Variants in RPTOR observed in about 807,000 individuals in gnomAD.
The protein encoded by RPTOR is regulatory associated protein of MTOR complex 1.
In RPTOR, 21 loss-of-function variants were observed where a neutral mutation model predicts 169.9. The ratio of observed to expected loss-of-function variants is 0.12; its 90% CI spans 0.09 to 0.18. The LOEUF is 0.18. RPTOR is among the 10% of genes least tolerant of loss of function. RPTOR has a pLI of 1.00. For synonymous variants in RPTOR, 732 were observed against 753.2 expected (o/e 0.97, Z 0.46); for missense variants, 1,133 against 1,855.9 (o/e 0.61, Z 7.16).
At chr17:80,737,530 T>C (rs750818449) in intron 5 of RPTOR, among the ~76,000 whole-genome samples, 18 of 152,108 alleles carry the variant, frequency 1.2e-4, no homozygotes, top group Non-Finnish European at 2.6e-4. Context: ...GGTCTTCAGG[T>C]AATCTGTGCC....
At chr17:80,679,526 T>C (rs62069694) in intron 3 of RPTOR, among the ~76,000 whole-genome samples, 13,810 of 152,270 alleles carry the variant, frequency 0.091, 709 homozygotes, top group African/African-American at 0.14. Flanking sequence ...TTGAATGCAT[T>C]TAAACTTAAG....
chr17:80,842,071 T>C (rs2067676637), intron 10 of RPTOR, among the ~76,000 whole-genome samples: 1 of 152,152 alleles, frequency 6.6e-6, no homozygotes, highest in Admixed American at 6.5e-5. Flanking sequence ...GCGCTGCAGC[T>C]CACATTCATT....
chr17:80,735,077 G>A (rs972538952), intron 5 of RPTOR, among the ~76,000 whole-genome samples: 3 of 152,168 alleles, frequency 2.0e-5, no homozygotes, highest in Non-Finnish European at 2.9e-5. Flanking sequence ...AGCAGACTTC[G>A]CTTTAGACCG....
In RPTOR at chr17:80,712,464, G is replaced by A. The variant is rs559861496; in HGVS notation, c.507+4465G>A. 2.6e-5 allele frequency among the ~76,000 whole-genome samples: 4 copies of A among 152,162 alleles called. No homozygotes were observed. The East Asian group carries it at 5.8e-4, about 22-fold the overall frequency. On this transcript the variant is annotated intron_variant, in intron 4 of 33. Coordinates refer to ENST00000306801, the MANE Select transcript of RPTOR (RefSeq NM_020761.3). ...AGGCTTCTCTGACTCAGTAATATAC[G>A]CTTAAGACTCCTCCGTGTCTTTTTG...
intron 7 of RPTOR, among the ~76,000 whole-genome samples, chr17:80,800,448 A>G: frequency 6.6e-6 from 1 of 152,226 alleles, no homozygotes; most frequent in Non-Finnish European, 1.5e-5. Context: ...TCTCAGCACA[A>G]GACTGGAGAG....
intron 13 of RPTOR, among the ~76,000 whole-genome samples, chr17:80,877,252 G>T (rs1399235511): frequency 6.6e-6 from 1 of 152,246 alleles, no homozygotes; most frequent in South Asian, 2.1e-4. Flanking sequence ...CCTAGCCAGC[G>T]AAGTGGGAGC....
intron 2 of RPTOR, among the ~76,000 whole-genome samples, chr17:80,636,554 G>C (rs923034437): frequency 6.6e-6 from 1 of 152,166 alleles, no homozygotes; most frequent in Non-Finnish European, 1.5e-5. Context: ...AAGCAGAAGT[G>C]TGCGTCTAGT....
At chr17:80,833,864 C>T (rs2067534424) in intron 9 of RPTOR, among the ~76,000 whole-genome samples, 1 of 152,202 alleles carries the variant, frequency 6.6e-6, no homozygotes, top group Admixed American at 6.5e-5. Context: ...TGGCACATTC[C>T]TGTAATCCCA....
intron 3 of RPTOR, among the ~76,000 whole-genome samples, chr17:80,655,376 TTTTTTG>T (rs1166826848): frequency 2.0e-5 from 3 of 152,088 alleles, no homozygotes; most frequent in Non-Finnish European, 4.4e-5. Context: ...ATGAGCCATA[TTTTTTG>T]TTTTTTTTAA....
Position 80,562,966 on chromosome 17 carries a change from C to T in RPTOR, c.162+17175C>T, listed in dbSNP as rs1381292725. 6.6e-6 allele frequency among the ~76,000 whole-genome samples: 1 copy of T among 152,216 alleles called. No individual in the cohort carries two copies. The highest frequency in any genetic ancestry group is 2.4e-5 in the African/African-American group (1 of 41,468). ...CCTTGCTGCCGATGTCCTGAAGATGCTTCATGTTGGCACATGTGGCTTCAT... is the reference window on the plus strand; with the variant it reads ...CCTTGCTGCCGATGTCCTGAAGATGTTTCATGTTGGCACATGTGGCTTCAT... On this transcript the variant is annotated intron_variant, in intron 1 of 33. Coordinates refer to ENST00000306801, the MANE Select transcript of RPTOR (RefSeq NM_020761.3). This position sits in a 1 kb window ranked among gnomAD's most constrained non-coding sequence, Gnocchi z 4.4.
chr17:80,922,700 A>C (rs746375922), intron 21 of RPTOR, 24 bp from the exon 22 acceptor site: 2 of 1,552,672 alleles, frequency 1.3e-6, no homozygotes, highest in Non-Finnish European at 1.7e-6. Flanking sequence ...TCTGACCTTC[A>C]CACCCCCATT....
chr17:80,638,248 T>G (rs945584429), intron 2 of RPTOR, among the ~76,000 whole-genome samples: 1 of 152,132 alleles, frequency 6.6e-6, no homozygotes, highest in Admixed American at 6.5e-5. Flanking sequence ...GGGCTGGGTT[T>G]TCGCACACCA....
chr17:80,640,788 G>A (rs976982912), intron 2 of RPTOR, among the ~76,000 whole-genome samples: 10 of 141,820 alleles, frequency 7.1e-5, no homozygotes, highest in Non-Finnish European at 1.6e-4. Flanking sequence ...GGTACTCCTT[G>A]AATGGGAACT....
chr17:80,833,533 A>G (rs1168403626), intron 9 of RPTOR, among the ~76,000 whole-genome samples: 1 of 152,026 alleles, frequency 6.6e-6, no homozygotes, highest in Non-Finnish European at 1.5e-5. Flanking sequence ...GCCCACCACC[A>G]TGGCCTCTCG....
intron 20 of RPTOR, among the ~76,000 whole-genome samples, chr17:80,905,369 G>A (rs1181590666): frequency 6.6e-6 from 1 of 150,964 alleles, no homozygotes; most frequent in Admixed American, 6.6e-5. Context: ...GGTGGATCAC[G>A]AGGTCAGGAG....
chr17:80,635,552 G>C (rs937146889), intron 2 of RPTOR, among the ~76,000 whole-genome samples: 9 of 152,262 alleles, frequency 5.9e-5, no homozygotes, highest in African/African-American at 2.2e-4. Flanking sequence ...GAACCTCCAA[G>C]CGGAGCCACC....
At chr17:80,769,591 G>C (rs2066821652) in intron 6 of RPTOR, among the ~76,000 whole-genome samples, 1 of 152,204 alleles carries the variant, frequency 6.6e-6, no homozygotes, top group African/African-American at 2.4e-5. Context: ...CCTCTCATCA[G>C]TGCTCTTCTT....
intron 20 of RPTOR, among the ~76,000 whole-genome samples, chr17:80,898,596 C>T (rs1275011844): frequency 1.3e-5 from 2 of 151,620 alleles, no homozygotes; most frequent in Non-Finnish European, 2.9e-5. Context: ...TTTCTTCCTT[C>T]CTAATGTGTG....
chr17:80,843,578 G>T (rs2067694201), intron 10 of RPTOR, among the ~76,000 whole-genome samples: 1 of 151,886 alleles, frequency 6.6e-6, no homozygotes, highest in South Asian at 2.1e-4. Flanking sequence ...TGTCCCTACA[G>T]AGCCGTACAG....
Sources: gnomAD v4.1 joint callset for allele counts (sites outside exome capture counted in the v4.1 genomes callset) on GRCh38, gnomAD v4.1.1 for gene constraint, Gnocchi (gnomAD v3.1) non-coding constraint, MANE v1.5 for transcripts, NCBI Gene and HGNC (gene_info 2026-07-23, HGNC 2026-07-21) for gene names.